The following ARL6 variants were observed in gnomAD, a reference collection of about 807,000 sequenced individuals.
ARL6 encodes the protein ARF like GTPase 6.
ARL6 carries 18 observed loss-of-function variants against 27.1 expected under a neutral mutation model. The observed-to-expected ratio is 0.66, with a 90% CI of 0.46 to 0.98. The LOEUF is 0.98. ARL6 is among the 50% of genes least tolerant of loss of function. ARL6 has a pLI of 0.00. For synonymous variants in ARL6, 65 were observed against 72.3 expected (o/e 0.90, Z 0.51); for missense variants, 187 against 214.9 (o/e 0.87, Z 0.81).
intron 1 of ARL6, 78 bp from the exon 2 acceptor site, chr3:97,768,003 C>A: frequency 7.7e-7 from 1 of 1,304,926 alleles, no homozygotes; most frequent in Non-Finnish European, 1.1e-6. Context: ...AAATTATTAC[C>A]TTTTTTTAAT....
chr3:97,779,400 A>C (rs2037070007), intron 2 of ARL6, among the ~76,000 whole-genome samples: 1 of 151,964 alleles, frequency 6.6e-6, no homozygotes, highest in Non-Finnish European at 1.5e-5. Flanking sequence ...CTTCCATGCC[A>C]CCTTCCAGCC....
chr3:97,780,983 C>A (rs951894088), intron 4 of ARL6, among the ~76,000 whole-genome samples: 4 of 152,048 alleles, frequency 2.6e-5, no homozygotes, highest in African/African-American at 9.7e-5. Flanking sequence ...AAAGTCCTTT[C>A]CTCTGAAGTT....
At chr3:97,781,006 C>T (rs192312221) in intron 4 of ARL6, among the ~76,000 whole-genome samples, 41 of 152,108 alleles carry the variant, frequency 2.7e-4, no homozygotes, top group African/African-American at 8.9e-4. Context: ...ACTGTTCTGC[C>T]CAGTTATTTT....
chr3:97,774,027 A>C (rs994050449), intron 2 of ARL6, among the ~76,000 whole-genome samples: 6 of 152,204 alleles, frequency 3.9e-5, no homozygotes, highest in Non-Finnish European at 8.8e-5. Context: ...TGGTAATACA[A>C]AGAGATGCCC....
intron 2 of ARL6, among the ~76,000 whole-genome samples, chr3:97,771,215 T>G (rs2036621595): frequency 6.6e-6 from 1 of 151,998 alleles, no homozygotes; most frequent in African/African-American, 2.4e-5. Context: ...TTTTATAGTT[T>G]TAATTGTAGA....
chr3:97,777,639 T>C (rs927829790), intron 2 of ARL6, among the ~76,000 whole-genome samples: 4 of 152,224 alleles, frequency 2.6e-5, no homozygotes, highest in African/African-American at 9.6e-5. Flanking sequence ...ATTCCTATAC[T>C]CTTTGTTTAC....
intron 4 of ARL6, among the ~76,000 whole-genome samples, chr3:97,781,784 T>C (rs1310538285): frequency 1.3e-5 from 2 of 152,126 alleles, no homozygotes; most frequent in Admixed American, 6.5e-5. Flanking sequence ...GCAATGTATT[T>C]CACTTTTAGA....
chr3:97,780,096 T>A, intron 2 of ARL6, 63 bp from the exon 3 acceptor site: 1 of 1,353,978 alleles, frequency 7.4e-7, no homozygotes, highest in Non-Finnish European at 1.1e-6. Flanking sequence ...CTGGATACTT[T>A]AACTTGAGGA....
At chr3:97,790,883 T>TA (rs1268866507) in intron 6 of ARL6, among the ~76,000 whole-genome samples, 1 of 152,116 alleles carries the variant, frequency 6.6e-6, no homozygotes, top group Non-Finnish European at 1.5e-5. Flanking sequence ...AAAGGAACCC[T>TA]AATCATTCAG....
chr3:97,780,029 A>G (rs894127089), intron 2 of ARL6, 130 bp from the exon 3 acceptor site: 2 of 727,618 alleles, frequency 2.7e-6, no homozygotes, highest in Non-Finnish European at 4.8e-6. Flanking sequence ...TGAAAAAATT[A>G]TATAACTTTG....
At chr3:97,765,435 G>T (rs1395331090) in intron 1 of ARL6, among the ~76,000 whole-genome samples, 1 of 152,090 alleles carries the variant, frequency 6.6e-6, no homozygotes, top group Non-Finnish European at 1.5e-5. Flanking sequence ...GTTAACTGTG[G>T]ATAACATCCT....
intron 1 of ARL6, among the ~76,000 whole-genome samples, chr3:97,765,211 GGTGTGTGTGTGTGTGTGTGTGTGT>G (rs71113866): frequency 1.9e-5 from 2 of 105,534 alleles, no homozygotes; most frequent in Non-Finnish European, 4.5e-5. Context: ...GTGTATTGGG[GGTGTGTGTGTGTGTGTGTGTGTGT>G]GTGTGTGTGT....
chr3:97,791,696 C>A, intron 6 of ARL6, 75 bp from the exon 7 acceptor site: 4 of 1,408,054 alleles, frequency 2.8e-6, no homozygotes, highest in African/African-American at 1.4e-5. Context: ...CTCCATATGG[C>A]AAAATTGTAA....
intron 6 of ARL6, among the ~76,000 whole-genome samples, chr3:97,790,617 A>G (rs947208832): frequency 1.3e-5 from 2 of 152,146 alleles, no homozygotes; most frequent in African/African-American, 4.8e-5. Flanking sequence ...TAAAATTAAT[A>G]TATTTATCTT....
At position 97,791,790 on chromosome 3, in the gene ARL6, G is replaced by A. The variant is rs764523283; in HGVS notation, c.499G>A (p.Gly167Arg). 6.2e-6 allele frequency: 10 copies of A among 1,613,664 alleles called. No individual in the cohort carries two copies. The Admixed American group carries it at 6.7e-5, about 11-fold the overall frequency. ...TTTCAGTGCTAGTGATGCCATAAAA[G>A]GAGAAGGCTTGCAAGAAGGTGTAGA... ...WHICASDAIK[G>R]EGLQEGVDWL... Residue 167 changes from glycine to arginine, a missense_variant, in exon 7 of 8, where the codon GGA (glycine) becomes AGA (arginine). By Grantham distance (125) the Gly-to-Arg change is moderately radical. Coordinates refer to ENST00000463745, the MANE Select transcript of ARL6 (RefSeq NM_001278293.3).
In ARL6 at chr3:97,799,063, T is replaced by C. The variant is rs951102589; in HGVS notation, c.*1014T>C. The C allele has an allele frequency of 6.6e-6, 1 of 152,034 alleles. No individual in the cohort carries two copies. The highest frequency in any genetic ancestry group is 1.5e-5 in the Non-Finnish European group (1 of 67,918). 9.4% of individuals were successfully genotyped at this position (152,034 alleles called of 1,614,324 possible). On this transcript the variant is annotated 3_prime_UTR_variant, in exon 8 of 8. Coordinates refer to ENST00000463745, the MANE Select transcript of ARL6 (RefSeq NM_001278293.3). ...CTCACAAATTAGAGAACACTTATAA[T>C]TGTGAACTCTAAATAGAAACCTTCA...
chr3:97,773,516 G>T (rs2036739403), intron 2 of ARL6, among the ~76,000 whole-genome samples: 1 of 152,032 alleles, frequency 6.6e-6, no homozygotes, highest in African/African-American at 2.4e-5. Flanking sequence ...CATACATAAT[G>T]TTCAAATAAG....
At chr3:97,772,170 G>A (rs1450796857) in intron 2 of ARL6, among the ~76,000 whole-genome samples, 2 of 152,022 alleles carry the variant, frequency 1.3e-5, no homozygotes, top group South Asian at 4.2e-4. Flanking sequence ...TTTCTTTAAT[G>A]GGAGACTTTA....
intron 2 of ARL6, 110 bp from the exon 3 acceptor site, chr3:97,780,049 A>G (rs947307726): frequency 6.1e-6 from 5 of 819,502 alleles, no homozygotes; most frequent in South Asian, 4.3e-5. Context: ...GTTAAATCCT[A>G]TCATCTCCTT....
Sources: gnomAD v4.1 joint callset for allele counts (sites outside exome capture counted in the v4.1 genomes callset) on GRCh38, gnomAD v4.1.1 for gene constraint, MANE v1.5 for transcripts, NCBI Gene and HGNC (gene_info 2026-07-23, HGNC 2026-07-21) for gene names.